GMDS: variants seen among roughly 807,000 people sequenced by gnomAD.
The protein encoded by GMDS is GDP-mannose 4,6-dehydratase.
Under a neutral mutation model 49.9 loss-of-function variants are expected in GMDS, and 20 were observed. That is an observed-to-expected ratio of 0.40 (90% CI 0.28 to 0.58). The LOEUF (loss-of-function observed/expected upper bound fraction) is 0.58. Among genes scored for constraint, GMDS ranks in the 20% least tolerant of loss-of-function variants. GMDS has a pLI of 0.42. For missense variants in GMDS, 362 were observed against 481.4 expected (o/e 0.75, Z 2.32); for synonymous variants, 177 against 178.6 (o/e 0.99, Z 0.07).
chr6:2,080,126 T>C (rs1419072594), intron 4 of GMDS, among the ~76,000 whole-genome samples: 1 of 152,230 alleles, frequency 6.6e-6, no homozygotes, highest in Non-Finnish European at 1.5e-5. Flanking sequence ...TTTTATTTCA[T>C]TCAATGAATT....
At chr6:1,762,449 C>G (rs1177524155) in intron 7 of GMDS, among the ~76,000 whole-genome samples, 1 of 152,242 alleles carries the variant, frequency 6.6e-6, no homozygotes, top group Non-Finnish European at 1.5e-5. Context: ...AGGCCATGCT[C>G]GCACGGCGAG....
chr6:1,719,669 G>T (rs1272429510), intron 9 of GMDS, among the ~76,000 whole-genome samples: 9 of 151,466 alleles, frequency 5.9e-5, no homozygotes, highest in African/African-American at 2.2e-4. Flanking sequence ...GAATACAGAG[G>T]TCATCGGCCA....
chr6:2,102,407 G>A (rs2127487083), intron 4 of GMDS, among the ~76,000 whole-genome samples: 1 of 152,242 alleles, frequency 6.6e-6, no homozygotes, highest in Non-Finnish European at 1.5e-5. Flanking sequence ...TTTAAAAAAA[G>A]TTTTAAAACA....
intron 4 of GMDS, among the ~76,000 whole-genome samples, chr6:2,075,367 C>T (rs1772271050): frequency 6.6e-6 from 1 of 152,050 alleles, no homozygotes; most frequent in South Asian, 2.1e-4. Flanking sequence ...GTGTGCTGCA[C>T]CCGTTAACTC....
intron 6 of GMDS, among the ~76,000 whole-genome samples, chr6:1,949,968 A>G (rs1017806708): frequency 5.9e-5 from 9 of 152,226 alleles, no homozygotes; most frequent in Admixed American, 5.9e-4. Context: ...TACAAACAAA[A>G]TATTAAGGTA....
rs567704138 is a variant in GMDS, at chr6:2,181,266, A to G, written c.103-56535T>C. Among the ~76,000 whole-genome samples the G allele has an allele frequency of 2.0e-5, 3 of 152,108 alleles. No individual in the cohort carries two copies. The East Asian group carries it at 5.8e-4, about 29-fold the overall frequency. On this transcript the variant is annotated intron_variant, in intron 1 of 10. Coordinates refer to ENST00000380815, the MANE Select transcript of GMDS (RefSeq NM_001500.4). ...TACACAGCAGCAAGGAATATAACTAATACCTCTCAATTCCTAATTCCCACC... is the reference window on the plus strand; with the variant it reads ...TACACAGCAGCAAGGAATATAACTAGTACCTCTCAATTCCTAATTCCCACC...
chr6:1,906,570 T>C (rs1050313716), intron 7 of GMDS, among the ~76,000 whole-genome samples: 1 of 152,208 alleles, frequency 6.6e-6, no homozygotes, highest in African/African-American at 2.4e-5. Context: ...TCAAACTCTT[T>C]TCACATCTCT....
chr6:2,017,456 G>A lies in GMDS; in HGVS notation c.346-56490C>T, dbSNP rs139159263. Among the ~76,000 whole-genome samples the A allele has an allele frequency of 7.6e-4, 115 of 152,126 alleles. 4 individuals are homozygous for A. The East Asian group carries it at 0.021, about 28-fold the overall frequency. ...CCTGAGTAACTGGGATTACAGGCGC[G>A]TGCCACTGCACCCAGCTAATTTTTG... On this transcript the variant is annotated intron_variant, in intron 4 of 10. Transcript: ENST00000380815.
chr6:1,880,284 CAAAAAAAAAAA>C (rs34490393), intron 7 of GMDS, among the ~76,000 whole-genome samples: 1 of 59,112 alleles, frequency 1.7e-5, no homozygotes, highest in Non-Finnish European at 3.0e-5. Context: ...CTCATTTCCA[CAAAAAAAAAAA>C]AAAAAAAAAA....
chr6:2,123,471 A>T (rs191820578), intron 2 of GMDS, among the ~76,000 whole-genome samples: 14 of 152,334 alleles, frequency 9.2e-5, no homozygotes, highest in African/African-American at 3.4e-4. Context: ...CTCTCTAGCC[A>T]CCAAACATCT....
chr6:1,842,247 G>C (rs1048981050), intron 7 of GMDS, among the ~76,000 whole-genome samples: 1 of 152,192 alleles, frequency 6.6e-6, no homozygotes, highest in Non-Finnish European at 1.5e-5. Context: ...TGTAGTGGTC[G>C]TTACAGTCCC....
intron 7 of GMDS, among the ~76,000 whole-genome samples, chr6:1,856,943 G>C (rs943555256): frequency 6.6e-6 from 1 of 152,170 alleles, no homozygotes; most frequent in African/African-American, 2.4e-5. Flanking sequence ...TTGTGAGTTT[G>C]TAAGTTTTTC....
intron 4 of GMDS, among the ~76,000 whole-genome samples, chr6:2,025,298 T>G (rs528507073): frequency 6.6e-6 from 1 of 151,858 alleles, no homozygotes; most frequent in Non-Finnish European, 1.5e-5. Context: ...TTATATATTA[T>G]TAAATATACT....
chr6:1,743,959 G>A (rs1489730577), intron 7 of GMDS, among the ~76,000 whole-genome samples: 8 of 152,010 alleles, frequency 5.3e-5, no homozygotes, highest in African/African-American at 1.5e-4. Context: ...TTGAACTCTC[G>A]TTCCAGCAAA....
chr6:1,982,062 T>C (rs972916134), intron 4 of GMDS, among the ~76,000 whole-genome samples: 7 of 152,172 alleles, frequency 4.6e-5, no homozygotes, highest in Admixed American at 4.6e-4. Context: ...CCAGGCACTT[T>C]GGGAGGCTGA....
At chr6:1,722,770 T>C (rs937314323) in intron 9 of GMDS, among the ~76,000 whole-genome samples, 26 of 152,354 alleles carry the variant, frequency 1.7e-4, no homozygotes, top group Admixed American at 1.4e-3. Context: ...ACTTTCTCTC[T>C]AAGAATGAAC....
chr6:2,187,877 C>T (rs187375124), intron 1 of GMDS, among the ~76,000 whole-genome samples: 1 of 152,338 alleles, frequency 6.6e-6, no homozygotes, highest in Admixed American at 6.5e-5. Context: ...TGGATTCAAA[C>T]CACCACTCTC....
At position 1,951,691 on chromosome 6, in the gene GMDS, C is replaced by T. The variant is rs9378663; in HGVS notation, c.643+8176G>A. Among the ~76,000 whole-genome samples, 16 of 152,182 alleles carry T rather than the reference C, an allele frequency of 1.1e-4. No individual in the cohort carries two copies. In the South Asian group the frequency reaches 1.9e-3, roughly 18 times the overall value. On this transcript the variant is annotated intron_variant, in intron 6 of 10. Coordinates refer to ENST00000380815, the MANE Select transcript of GMDS (RefSeq NM_001500.4). ...GAATTACAAGCATGACCACCATGCC[C>T]GGCCTGATTTTTAATGTCTTTTATA...
intron 4 of GMDS, among the ~76,000 whole-genome samples, chr6:2,112,089 G>A (rs1475028150): frequency 6.6e-6 from 1 of 152,316 alleles, no homozygotes; most frequent in Middle Eastern, 3.4e-3. Context: ...AGCATAAACA[G>A]TGGTATGGAA....
Sources: allele counts gnomAD v4.1 joint callset (sites outside exome capture counted in the v4.1 genomes callset), GRCh38; gene constraint gnomAD v4.1.1; transcripts MANE v1.5; gene names NCBI Gene and HGNC (gene_info 2026-07-23, HGNC 2026-07-21).